IFT43: variants seen among roughly 807,000 people sequenced by gnomAD.
IFT43 encodes the protein intraflagellar transport protein 43 homolog.
A neutral mutation model predicts 32.3 loss-of-function variants in IFT43; 33 were observed. The ratio of observed to expected loss-of-function variants is 1.02; its 90% CI spans 0.77 to 1.37. IFT43 has a LOEUF of 1.37. Ranked by LOEUF, IFT43 falls within the 40% of genes most tolerant of loss-of-function variation. The probability of loss-of-function intolerance (pLI) is 0.00; values close to 1 mark genes in which losing one functional copy is unlikely to be tolerated. For synonymous variants in IFT43, 93 were observed against 98.2 expected, an observed-to-expected ratio of 0.95 and a Z score of 0.31; for missense variants, 274 against 265.9, an observed-to-expected ratio of 1.03 and a Z score of -0.21.
chr14:76,081,906 A>G (rs2037516371), intron 5 of IFT43, among the ~76,000 whole-genome samples: 1 of 152,232 alleles, frequency 6.6e-6, no homozygotes, highest in South Asian at 2.1e-4. Context: ...GTCTCTGACC[A>G]TGCCAGGCTC....
chr14:76,012,663 G>A (rs920484543), intron 2 of IFT43, among the ~76,000 whole-genome samples: 2 of 152,208 alleles, frequency 1.3e-5, no homozygotes, highest in Admixed American at 6.5e-5. Flanking sequence ...ACTCGGAGAC[G>A]TGACTCCAGC....
intron 3 of IFT43, among the ~76,000 whole-genome samples, chr14:76,052,021 G>A (rs993463287): frequency 1.3e-5 from 2 of 152,206 alleles, no homozygotes; most frequent in African/African-American, 4.8e-5. Flanking sequence ...ACGGGCACAG[G>A]CAAGGCTCCA....
intron 5 of IFT43, among the ~76,000 whole-genome samples, chr14:76,060,417 C>T (rs1305852108): frequency 6.6e-6 from 1 of 152,048 alleles, no homozygotes. Flanking sequence ...TGGGGTTTCA[C>T]CATGTTGGCC....
intron 3 of IFT43, among the ~76,000 whole-genome samples, chr14:76,025,221 A>G (rs1401525113): frequency 6.6e-6 from 1 of 152,182 alleles, no homozygotes; most frequent in African/African-American, 2.4e-5. Context: ...TCAAAATGGC[A>G]TATCTTGAAA....
At position 76,072,055 on chromosome 14, in the gene IFT43, A is replaced by G. The variant is rs887106052; in HGVS notation, c.296-10240A>G. On this transcript the variant is annotated intron_variant, in intron 5 of 8. Transcript: ENST00000314067. Reference sequence around the variant, plus strand: ...AGTTCTGTTGCTCCTCTCATTGTCAAGTCTTGTCCACAGCAGGGCCTGGGC... The same window carrying G: ...AGTTCTGTTGCTCCTCTCATTGTCAGGTCTTGTCCACAGCAGGGCCTGGGC... 5.3e-5 allele frequency among the ~76,000 whole-genome samples: 8 copies of G among 152,340 alleles called. No individual in the cohort carries two copies. In the East Asian group the frequency reaches 1.5e-3, roughly 29 times the overall value.
At chr14:76,030,280 C>G (rs1168713229) in intron 3 of IFT43, among the ~76,000 whole-genome samples, 1 of 152,036 alleles carries the variant, frequency 6.6e-6, no homozygotes, top group East Asian at 1.9e-4. Context: ...CAGATTGTCC[C>G]ATGTTTGGCC....
chr14:76,069,666 G>T (rs774956229), intron 5 of IFT43, among the ~76,000 whole-genome samples: 37 of 152,182 alleles, frequency 2.4e-4, no homozygotes, highest in Non-Finnish European at 5.4e-4. Flanking sequence ...GTTCATCTCA[G>T]AGCTAAATTC....
At chr14:76,053,664 C>T (rs2036957756) in intron 3 of IFT43, among the ~76,000 whole-genome samples, 1 of 152,218 alleles carries the variant, frequency 6.6e-6, no homozygotes, top group Non-Finnish European at 1.5e-5. Flanking sequence ...CGTTTACTGT[C>T]ACTGTCCCAG....
intron 3 of IFT43, among the ~76,000 whole-genome samples, chr14:76,043,471 A>AT (rs571213911): frequency 0.012 from 1,725 of 146,232 alleles, 33 homozygotes; most frequent in South Asian, 0.037. Flanking sequence ...AGGTATCACG[A>AT]TTTTTTTTTT....
chr14:76,058,541 A>G, intron 3 of IFT43, 101 bp from the exon 4 acceptor site: 1 of 1,377,354 alleles, frequency 7.3e-7, no homozygotes, highest in Admixed American at 1.8e-5. Context: ...CACTTGAGAT[A>G]TACTAATTTG....
chr14:75,994,124 G>T (rs1213032486), intron 2 of IFT43, among the ~76,000 whole-genome samples: 4 of 150,036 alleles, frequency 2.7e-5, no homozygotes, highest in African/African-American at 9.8e-5. Context: ...TTGTAGCCCT[G>T]GGTATGAAGA....
intron 2 of IFT43, among the ~76,000 whole-genome samples, chr14:76,016,598 C>T (rs1034128235): frequency 2.0e-5 from 3 of 151,962 alleles, no homozygotes; most frequent in African/African-American, 4.8e-5. Context: ...TGAAGAATAT[C>T]GTGGGTATTT....
rs545588273 is a variant in IFT43 at position 76,020,852 on chromosome 14, T to C, written c.148-1475T>C. Among the ~76,000 whole-genome samples the C allele has an allele frequency of 1.2e-3, 189 of 152,222 alleles. 1 individual carries two copies. The highest frequency in any genetic ancestry group is 4.5e-3 in the African/African-American group (185 of 41,518). On this transcript the variant is annotated intron_variant, in intron 2 of 8. Coordinates refer to ENST00000314067, the MANE Select transcript of IFT43 (RefSeq NM_001102564.3). ...GTCAGTCCTTAGGCCTCCAGTGCCT[T>C]GCTCAGGTGCCGGGGGTGGCAGTGG...
chr14:76,079,386 G>C (rs2037468200), intron 5 of IFT43, among the ~76,000 whole-genome samples: 1 of 152,194 alleles, frequency 6.6e-6, no homozygotes, highest in Non-Finnish European at 1.5e-5. Flanking sequence ...CACAGTGCTA[G>C]TATTTCATAA....
chr14:76,015,572 T>A (rs1315459578), intron 2 of IFT43, among the ~76,000 whole-genome samples: 3 of 152,188 alleles, frequency 2.0e-5, no homozygotes, highest in Non-Finnish European at 2.9e-5. Context: ...AAAAATCCTT[T>A]GATTTTAGAA....
At chr14:76,008,329 C>T (rs748847904) in intron 2 of IFT43, among the ~76,000 whole-genome samples, 1 of 152,142 alleles carries the variant, frequency 6.6e-6, no homozygotes, top group Non-Finnish European at 1.5e-5. Context: ...CAACCCTAAG[C>T]ATTAAGGATT....
chr14:76,083,402 T>C (rs986806799), intron 8 of IFT43, 56 bp from the exon 9 acceptor site: 53 of 1,613,940 alleles, frequency 3.3e-5, no homozygotes, highest in Non-Finnish European at 4.3e-5. Context: ...AGAAGTCAGC[T>C]ACAGTTGAGG....
At chr14:75,993,821 G>T (rs1175265609) in intron 2 of IFT43, among the ~76,000 whole-genome samples, 1 of 152,208 alleles carries the variant, frequency 6.6e-6, no homozygotes, top group Non-Finnish European at 1.5e-5. Flanking sequence ...GGAAGAGAGG[G>T]AATTGTTGAA....
intron 5 of IFT43, chr14:76,076,598 G>T: frequency 1.2e-6 from 2 of 1,613,984 alleles, no homozygotes; most frequent in South Asian, 1.1e-5. Flanking sequence ...CTGTTCTAGC[G>T]GTACCCAAAC....
Sources: allele counts gnomAD v4.1 joint callset (sites outside exome capture counted in the v4.1 genomes callset), GRCh38; gene constraint gnomAD v4.1.1; transcripts MANE v1.5; gene names NCBI Gene and HGNC (gene_info 2026-07-23, HGNC 2026-07-21).